The following DAB1 variants were observed in gnomAD, a reference collection of about 807,000 sequenced individuals.
DAB1 encodes DAB adaptor protein 1.
In DAB1, 15 loss-of-function variants were observed where a neutral mutation model predicts 64.6. That is an observed-to-expected ratio of 0.23 (90% CI 0.16 to 0.36). DAB1 has a LOEUF of 0.36. Among genes scored for constraint, DAB1 ranks in the 10% least tolerant of loss-of-function variants. The pLI is 1.00. For missense variants in DAB1, 596 were observed against 706.7 expected, an observed-to-expected ratio of 0.84 and a Z score of 1.78; for synonymous variants, 235 against 251.9, an observed-to-expected ratio of 0.93 and a Z score of 0.64.
At chr1:57,957,171 T>C (rs771497025) in intron 5 of DAB1, among the ~76,000 whole-genome samples, 1 of 152,208 alleles carries the variant, frequency 6.6e-6, no homozygotes, top group South Asian at 2.1e-4. Context: ...CATGACTGGA[T>C]GTCGAGGACC....
chr1:57,376,992 G>A (rs1680947730), intron 1 of DAB1, among the ~76,000 whole-genome samples: 1 of 152,184 alleles, frequency 6.6e-6, no homozygotes, highest in African/African-American at 2.4e-5. Context: ...CCACTGTCCA[G>A]GTGCCGGTGG....
At chr1:57,681,581 G>A (rs866996322) in intron 6 of DAB1, among the ~76,000 whole-genome samples, 1 of 151,982 alleles carries the variant, frequency 6.6e-6, no homozygotes, top group Non-Finnish European at 1.5e-5. Flanking sequence ...TCTCTCACTT[G>A]GTACCAAATG....
intron 1 of DAB1, among the ~76,000 whole-genome samples, chr1:57,854,438 A>G (rs1474338731): frequency 2.0e-5 from 3 of 152,166 alleles, no homozygotes. Context: ...TGAGACTTGC[A>G]TTCATCAAAT....
chr1:58,433,754 G>A (rs1019290233), intron 3 of DAB1, among the ~76,000 whole-genome samples: 1 of 151,954 alleles, frequency 6.6e-6, no homozygotes, highest in African/African-American at 2.4e-5. Flanking sequence ...ATTCCTGAAA[G>A]AATAGTATTA....
intron 9 of DAB1, among the ~76,000 whole-genome samples, chr1:57,047,837 C>T (rs1422832408): frequency 6.6e-6 from 1 of 152,194 alleles, no homozygotes; most frequent in Non-Finnish European, 1.5e-5. Flanking sequence ...GGCCCTCCAG[C>T]CCCATGCTCT....
chr1:57,208,265 A>AGTATGTCAAGGGCTGCTCCCAT (rs1665748223), intron 2 of DAB1, among the ~76,000 whole-genome samples: 1 of 152,220 alleles, frequency 6.6e-6, no homozygotes, highest in Admixed American at 6.5e-5. Context: ...GCTGCTCCCA[A>AGTATGTCAAGGGCTGCTCCCAT]GTATGTCAAG....
At chr1:57,272,436 G>A (rs893520015) in intron 2 of DAB1, among the ~76,000 whole-genome samples, 3 of 152,202 alleles carry the variant, frequency 2.0e-5, no homozygotes, top group Admixed American at 1.3e-4. Context: ...CAGCCTTGCT[G>A]CCTGGGCTTT....
chr1:57,618,619 G>A (rs1171320485), intron 7 of DAB1, among the ~76,000 whole-genome samples: 2 of 152,110 alleles, frequency 1.3e-5, no homozygotes, highest in Non-Finnish European at 2.9e-5. Flanking sequence ...TTCTGTGATG[G>A]GACCAAGTCA....
chr1:57,984,264 A>AAAGAAAG (rs1557595236), intron 5 of DAB1, among the ~76,000 whole-genome samples: 13 of 142,434 alleles, frequency 9.1e-5, no homozygotes, highest in African/African-American at 3.2e-4. Context: ...AAGAAAGAAA[A>AAAGAAAG]AAAATTAAAC....
chr1:58,336,288 C>T (rs1663115451), intron 4 of DAB1, among the ~76,000 whole-genome samples: 1 of 152,172 alleles, frequency 6.6e-6, no homozygotes, highest in Non-Finnish European at 1.5e-5. Context: ...TGGTCATATT[C>T]TGTTCTGGCG....
At chr1:58,296,085 C>T (rs764975585) in intron 4 of DAB1, among the ~76,000 whole-genome samples, 72 of 114,116 alleles carry the variant, frequency 6.3e-4, no homozygotes, top group Non-Finnish European at 9.4e-4. Flanking sequence ...CAGAGCGAGA[C>T]TCTGTCTCAA....
intron 2 of DAB1, among the ~76,000 whole-genome samples, chr1:57,223,499 C>T (rs988236080): frequency 2.0e-5 from 3 of 152,160 alleles, no homozygotes; most frequent in African/African-American, 7.2e-5. Context: ...GACCAGACTG[C>T]AGCCGTGTCT....
chr1:57,041,134 C>T (rs180680190), intron 9 of DAB1, among the ~76,000 whole-genome samples: 64 of 152,300 alleles, frequency 4.2e-4, no homozygotes, highest in African/African-American at 1.5e-3. Context: ...GAGGGCTTTG[C>T]CTGCTGCTCT....
intron 3 of DAB1, among the ~76,000 whole-genome samples, chr1:58,409,255 G>C (rs1644644694): frequency 6.6e-6 from 1 of 152,122 alleles, no homozygotes; most frequent in Admixed American, 6.6e-5. Flanking sequence ...ATTCCAAGGA[G>C]GCATTTACTA....
chr1:58,346,740 A>G (rs1249426305), intron 3 of DAB1, among the ~76,000 whole-genome samples: 2 of 152,378 alleles, frequency 1.3e-5, no homozygotes, highest in African/African-American at 4.8e-5. Context: ...TGTAACCTCA[A>G]TGGACCTCAG....
At chr1:58,512,716 A>C (rs551818592) in intron 2 of DAB1, among the ~76,000 whole-genome samples, 1 of 151,802 alleles carries the variant, frequency 6.6e-6, no homozygotes, top group Non-Finnish European at 1.5e-5. Flanking sequence ...GTAGAAGTAG[A>C]GAATAGAATA....
At chr1:57,546,098 T>TGTGC (rs869270008) in intron 7 of DAB1, among the ~76,000 whole-genome samples, 139 of 139,618 alleles carry the variant, frequency 1.0e-3, no homozygotes, top group South Asian at 1.5e-3. Context: ...TGTGTGTGTG[T>TGTGC]GCGCGCACGT....
chr1:58,244,385 C>T (rs745614306), intron 4 of DAB1, among the ~76,000 whole-genome samples: 4 of 152,164 alleles, frequency 2.6e-5, no homozygotes, highest in Non-Finnish European at 5.9e-5. Context: ...AATCCCAGCT[C>T]TACTTTTAAG....
At chr1:57,220,357 C>A (rs1666765885) in intron 2 of DAB1, among the ~76,000 whole-genome samples, 1 of 152,110 alleles carries the variant, frequency 6.6e-6, no homozygotes, top group African/African-American at 2.4e-5. Context: ...AAACAATTCC[C>A]AGGAGGGCTT....
Sources: gnomAD v4.1 joint callset for allele counts (sites outside exome capture counted in the v4.1 genomes callset) on GRCh38, gnomAD v4.1.1 for gene constraint, MANE v1.5 for transcripts, NCBI Gene and HGNC (gene_info 2026-07-23, HGNC 2026-07-21) for gene names.